Variants in TNN observed in about 807,000 individuals in gnomAD.
TNN encodes tenascin-N.
In TNN, 122 loss-of-function variants were observed where a neutral mutation model predicts 134.4. That is an observed-to-expected ratio of 0.91 (90% CI 0.78 to 1.06). TNN has a LOEUF of 1.06. Among genes scored for constraint, TNN ranks in the 50% least tolerant of loss-of-function variants. The pLI is 0.00. For missense variants in TNN, 1,739 were observed against 1,699.4 expected (o/e 1.02, Z -0.41); for synonymous variants, 710 against 670.3 (o/e 1.06, Z -0.91).
chr1:175,126,211 C>G (rs1675525625), intron 12 of TNN, among the ~76,000 whole-genome samples: 1 of 150,678 alleles, frequency 6.6e-6, no homozygotes, highest in South Asian at 2.1e-4. Flanking sequence ...AAGCAATTCT[C>G]CTGCCTCAGC....
chr1:175,098,008 A>G (rs1418384572), intron 8 of TNN, among the ~76,000 whole-genome samples: 1 of 152,240 alleles, frequency 6.6e-6, no homozygotes, highest in Non-Finnish European at 1.5e-5. Flanking sequence ...AGCCCTTGAT[A>G]AAATGTTATG....
chr1:175,124,687 GCAAACAAA>G (rs59814606), intron 12 of TNN, among the ~76,000 whole-genome samples: 91,798 of 150,836 alleles, frequency 0.61, 27,926 homozygotes, highest in Admixed American at 0.64. Context: ...CATCTCAAAA[GCAAACAAA>G]CAAACAAACA....
At position 175,108,833 on chromosome 1, in the gene TNN, G is replaced by A. The variant is rs536538533; in HGVS notation, c.2120-8106G>A. The stretch of plus-strand genomic sequence containing the variant: ...ATGTGCAGCCCTGGTTCCCGCTCAC[G>A]CCTCTCCCTCCACACCTCCCCGCAA... On this transcript the variant is annotated intron_variant, in intron 9 of 18. Coordinates refer to ENST00000239462, the MANE Select transcript of TNN (RefSeq NM_022093.2). Among the ~76,000 whole-genome samples the A allele has an allele frequency of 8.2e-5, 12 of 146,818 alleles. No individual in the cohort carries two copies. In the East Asian group the frequency reaches 1.8e-3, roughly 21 times the overall value.
chr1:175,067,851 G>A lies in TNN; in HGVS notation c.-120G>A, dbSNP rs529122950. The stretch of plus-strand genomic sequence containing the variant: ...CCAAGGAGAGACGAGAACCAGGGAC[G>A]ACCAGCAAGTACCAAGGTCTGCGGC... On this transcript the variant is annotated 5_prime_UTR_variant, in exon 1 of 19. Coordinates refer to ENST00000239462, the MANE Select transcript of TNN (RefSeq NM_022093.2). 6 of 499,084 alleles carry A rather than the reference G, an allele frequency of 1.2e-5. No individual in the cohort carries two copies. Among genetic ancestry groups the A allele is most frequent in the East Asian group, 1.2e-4 (2 of 17,368 alleles). 30.9% of individuals were successfully genotyped at this position (499,084 alleles called of 1,614,324 possible).
intron 11 of TNN, among the ~76,000 whole-genome samples, chr1:175,119,891 G>A (rs1675305078): frequency 6.6e-6 from 1 of 152,092 alleles, no homozygotes; most frequent in African/African-American, 2.4e-5. Flanking sequence ...GCCTACCATG[G>A]CCTCCCAAAG....
chr1:175,134,998 T>A (rs1209443999), intron 15 of TNN, among the ~76,000 whole-genome samples: 1 of 152,182 alleles, frequency 6.6e-6, no homozygotes, highest in East Asian at 1.9e-4. Context: ...GGACTGACTC[T>A]TGCCATCTTC....
At chr1:175,109,408 C>T (rs532569104) in intron 9 of TNN, among the ~76,000 whole-genome samples, 2 of 152,052 alleles carry the variant, frequency 1.3e-5, no homozygotes, top group South Asian at 2.1e-4. Flanking sequence ...TATTTTTAAA[C>T]CCTTAAGCCA....
intron 11 of TNN, among the ~76,000 whole-genome samples, chr1:175,119,499 A>G (rs1024137957): frequency 2.0e-5 from 3 of 152,132 alleles, no homozygotes; most frequent in East Asian, 3.8e-4. Context: ...TGCCTTAACC[A>G]TCTGGGAATG....
chr1:175,102,636 T>C (rs1674753786), intron 9 of TNN, among the ~76,000 whole-genome samples: 1 of 145,402 alleles, frequency 6.9e-6, no homozygotes, highest in Non-Finnish European at 1.5e-5. Context: ...GAACTCCAGC[T>C]GGCCCGCAAG....
intron 9 of TNN, among the ~76,000 whole-genome samples, chr1:175,107,046 C>T (rs1674874428): frequency 6.8e-6 from 1 of 146,278 alleles, no homozygotes; most frequent in Non-Finnish European, 1.5e-5. Flanking sequence ...AAAGGTCTCA[C>T]CGCTCGGCTA....
intron 7 of TNN, among the ~76,000 whole-genome samples, chr1:175,094,996 T>C (rs1162355805): frequency 1.3e-5 from 2 of 152,216 alleles, no homozygotes; most frequent in African/African-American, 4.8e-5. Context: ...AGGAATATGG[T>C]TTCAGAAAAT....
intron 6 of TNN, among the ~76,000 whole-genome samples, chr1:175,086,943 C>T (rs1365424198): frequency 2.0e-5 from 3 of 152,146 alleles, no homozygotes; most frequent in Non-Finnish European, 2.9e-5. Flanking sequence ...TCATTTAGTT[C>T]TCACAGCAAT....
intron 9 of TNN, among the ~76,000 whole-genome samples, chr1:175,099,126 C>T (rs1298142983): frequency 6.6e-6 from 1 of 152,170 alleles, no homozygotes; most frequent in Admixed American, 6.5e-5. Context: ...GTAATAGTCC[C>T]TACTTCCCTA....
At chr1:175,089,647 T>G (rs931876938) in intron 6 of TNN, among the ~76,000 whole-genome samples, 10 of 152,228 alleles carry the variant, frequency 6.6e-5, no homozygotes, top group Non-Finnish European at 1.2e-4. Flanking sequence ...TCTTTTCTTA[T>G]GATGATGGTA....
chr1:175,102,263 C>T (rs1214693703), intron 9 of TNN, among the ~76,000 whole-genome samples: 1 of 146,380 alleles, frequency 6.8e-6, no homozygotes, highest in Non-Finnish European at 1.5e-5. Context: ...ACTGGGGCTG[C>T]AGGTGGAGCT....
chr1:175,135,592 T>C (rs760759812), intron 15 of TNN, among the ~76,000 whole-genome samples: 15 of 152,226 alleles, frequency 9.9e-5, no homozygotes, highest in Admixed American at 2.0e-4. Flanking sequence ...ATGGAAAGAA[T>C]TGAAATTTCT....
intron 6 of TNN, among the ~76,000 whole-genome samples, chr1:175,086,371 T>C (rs1025355708): frequency 5.9e-5 from 9 of 152,202 alleles, no homozygotes; most frequent in Admixed American, 5.2e-4. Flanking sequence ...TTGGAAAACA[T>C]GGTAGGCATA....
chr1:175,118,590 G>A lies in TNN; in HGVS notation c.2416G>A (p.Asp806Asn). The change falls in exon 11 of 19, where the codon GAC (aspartate) becomes AAC (asparagine). Residue 806 changes from aspartate (D) to asparagine (N), a missense_variant. Physicochemically the swap from Asp to Asn is conservative, Grantham distance 23 (BLOSUM62 1). Coordinates refer to ENST00000239462, the MANE Select transcript of TNN (RefSeq NM_022093.2). ...DIDSPQNLVT[D>N]WVTENTATVS... Reference sequence around the variant, plus strand: ...TGACAGCCCCCAAAACCTGGTCACTGACTGGGTGACAGAGAATACAGCCAC... The same window carrying A: ...TGACAGCCCCCAAAACCTGGTCACTAACTGGGTGACAGAGAATACAGCCAC... 6.2e-7 allele frequency: 1 copy of A among 1,613,932 alleles called. No individual in the cohort carries two copies. The highest frequency in any genetic ancestry group is 8.5e-7 in the Non-Finnish European group (1 of 1,179,958).
Position 175,079,676 on chromosome 1 carries a change from G to T in TNN, c.753G>T (p.Glu251Asp). Residue 251 changes from glutamate to aspartate, a missense_variant, in exon 3 of 19, where the codon GAG becomes GAT. Glu to Asp is a conservative substitution (Grantham distance 45). Transcript: ENST00000239462. The stretch of plus-strand genomic sequence containing the variant: ...GTGACACGGGCGAGTGCTACTGCGA[G>T]GAGGGCTTCACAGGCCTGGACTGTG... Reference protein sequence around the residue: ...GFCDTGECYCEEGFTGLDCAQ... With the variant: ...GFCDTGECYCDEGFTGLDCAQ... 1 of 1,608,188 alleles carries T rather than the reference G, an allele frequency of 6.2e-7. No individual in the cohort carries two copies. The highest frequency in any genetic ancestry group is 8.5e-7 in the Non-Finnish European group (1 of 1,177,642).
Sources: gnomAD v4.1 joint callset for allele counts (sites outside exome capture counted in the v4.1 genomes callset) on GRCh38, gnomAD v4.1.1 for gene constraint, MANE v1.5 for transcripts, NCBI Gene and HGNC (gene_info 2026-07-23, HGNC 2026-07-21) for gene names.